THSD4: variants seen among roughly 807,000 people sequenced by gnomAD.
THSD4 encodes thrombospondin type-1 domain-containing protein 4.
THSD4 carries 69 observed loss-of-function variants against 119.0 expected under a neutral mutation model. That is an observed-to-expected ratio of 0.58 (90% CI 0.48 to 0.71). The LOEUF is 0.71. THSD4 is among the 30% of genes least tolerant of loss of function. The pLI is 0.00. For synonymous variants in THSD4, 524 were observed against 540.4 expected (o/e 0.97, Z 0.42); for missense variants, 1,393 against 1,391.1 (o/e 1.00, Z -0.02).
At chr15:71,342,157 A>C (rs1204001147) in intron 6 of THSD4, among the ~76,000 whole-genome samples, 2 of 152,172 alleles carry the variant, frequency 1.3e-5, no homozygotes, top group African/African-American at 4.8e-5. Context: ...GGTGGGGGAC[A>C]GTAGGTGTTA....
At chr15:71,384,724 C>T (rs909687731) in intron 6 of THSD4, among the ~76,000 whole-genome samples, 4 of 152,198 alleles carry the variant, frequency 2.6e-5, no homozygotes, top group African/African-American at 9.7e-5. Flanking sequence ...TCTTAAAGTG[C>T]AGTGCCGTTC....
chr15:71,505,442 G>T (rs1379689720), intron 7 of THSD4, among the ~76,000 whole-genome samples: 1 of 152,186 alleles, frequency 6.6e-6, no homozygotes, highest in African/African-American at 2.4e-5. Flanking sequence ...GAGCTGAAAT[G>T]CAAAATTAGA....
At chr15:71,264,052 C>A (rs182882505) in intron 6 of THSD4, among the ~76,000 whole-genome samples, 2 of 152,350 alleles carry the variant, frequency 1.3e-5, no homozygotes, top group Admixed American at 1.3e-4. Context: ...TCTGACTCCT[C>A]CACCAATCCA....
chr15:71,203,106 G>T (rs1464227626), intron 3 of THSD4, among the ~76,000 whole-genome samples: 1 of 152,092 alleles, frequency 6.6e-6, no homozygotes, highest in Non-Finnish European at 1.5e-5. Flanking sequence ...ATGTTCATAG[G>T]CAGAGTAGAA....
intron 2 of THSD4, among the ~76,000 whole-genome samples, chr15:71,148,274 G>C (rs1208575390): frequency 1.3e-5 from 2 of 152,148 alleles, no homozygotes; most frequent in Non-Finnish European, 1.5e-5. Flanking sequence ...GAGGACACAG[G>C]GTCACTGACA....
At position 71,747,062 on chromosome 15, in the gene THSD4, C is replaced by T. The variant is rs751178352; in HGVS notation, c.2241+20C>T. On this transcript the variant is annotated intron_variant, in intron 13 of 17. Transcript: ENST00000261862. ...ACCTCGGTACGCAGGCAGGGCAGCCCGCTCTGCAGCTCCCTCTCCAGCTCC... is the reference window on the plus strand; with the variant it reads ...ACCTCGGTACGCAGGCAGGGCAGCCTGCTCTGCAGCTCCCTCTCCAGCTCC... The T allele has an allele frequency of 1.1e-5, 18 of 1,578,056 alleles. No homozygotes were observed. Among genetic ancestry groups the T allele is most frequent in the South Asian group, 5.7e-5 (5 of 87,372 alleles).
chr15:71,294,504 G>A (rs569616855), intron 6 of THSD4, among the ~76,000 whole-genome samples: 8 of 152,218 alleles, frequency 5.3e-5, no homozygotes, highest in South Asian at 4.2e-4. Context: ...GGATACCAGC[G>A]TTCACATTTT....
At chr15:71,486,784 C>A (rs1457471430) in intron 7 of THSD4, among the ~76,000 whole-genome samples, 1 of 152,078 alleles carries the variant, frequency 6.6e-6, no homozygotes, top group Admixed American at 6.5e-5. Flanking sequence ...CCACGCTTTG[C>A]AATTTTGGAG....
Position 71,683,003 on chromosome 15 carries a change from C to G in THSD4, c.1357+22269C>G, listed in dbSNP as rs544514667. ...TGGTGCAATCATGGCTCACTGCAGC[C>G]TCAACCCCCCTGGGCTCAAGAGATC... On this transcript the variant is annotated intron_variant, in intron 8 of 17. Coordinates refer to ENST00000261862, the MANE Select transcript of THSD4 (RefSeq NM_024817.3). Among the ~76,000 whole-genome samples the G allele has an allele frequency of 1.1e-4, 17 of 149,598 alleles. No homozygotes were observed. The South Asian group carries it at 3.4e-3, about 30-fold the overall frequency.
intron 7 of THSD4, among the ~76,000 whole-genome samples, chr15:71,570,815 T>C (rs139450179): frequency 1.1e-4 from 17 of 152,318 alleles, no homozygotes; most frequent in South Asian, 2.1e-4. Flanking sequence ...AGAAGGTTGA[T>C]GACTTGTCTG....
chr15:71,121,908 A>G (rs1391634041), intron 1 of THSD4, among the ~76,000 whole-genome samples: 1 of 152,044 alleles, frequency 6.6e-6, no homozygotes, highest in Non-Finnish European at 1.5e-5. Context: ...TACTTACCTA[A>G]TGATTGACAG....
At chr15:71,665,939 T>A (rs916084012) in intron 8 of THSD4, among the ~76,000 whole-genome samples, 2 of 152,354 alleles carry the variant, frequency 1.3e-5, no homozygotes, top group Admixed American at 6.5e-5. Context: ...GGTAACGTGA[T>A]GCTTCCAGCC....
intron 8 of THSD4, among the ~76,000 whole-genome samples, chr15:71,719,830 C>A (rs2052680259): frequency 6.6e-6 from 1 of 151,968 alleles, no homozygotes; most frequent in African/African-American, 2.4e-5. Flanking sequence ...TGTGTACCAC[C>A]ACACTTGGCT....
At chr15:71,344,508 G>C (rs978464781) in intron 6 of THSD4, among the ~76,000 whole-genome samples, 1 of 152,064 alleles carries the variant, frequency 6.6e-6, no homozygotes, top group South Asian at 2.1e-4. Flanking sequence ...CATGTTTCAC[G>C]CCTCAGGGAG....
At chr15:71,732,517 A>C (rs2053000282) in intron 10 of THSD4, 1 of 152,216 alleles carries the variant, frequency 6.6e-6, no homozygotes, top group Non-Finnish European at 1.5e-5. Context: ...GAAGGTCTGC[A>C]GAAGTATTCA....
intron 7 of THSD4, among the ~76,000 whole-genome samples, chr15:71,584,102 T>G (rs1217013395): frequency 6.6e-6 from 1 of 152,100 alleles, no homozygotes; most frequent in Non-Finnish European, 1.5e-5. Flanking sequence ...TTTATAATTA[T>G]TATATTCTCT....
At chr15:71,205,191 G>A (rs995151033) in intron 3 of THSD4, among the ~76,000 whole-genome samples, 15 of 152,224 alleles carry the variant, frequency 9.9e-5, no homozygotes, top group Non-Finnish European at 1.5e-4. Flanking sequence ...TTACCCCGTG[G>A]CTCTCACCTT....
chr15:71,728,564 C>T lies in THSD4; in HGVS notation c.1373C>T (p.Ser458Phe). The change falls in exon 9 of 18, where the codon TCT becomes TTT. Residue 458 changes from serine (S) to phenylalanine (F), a missense_variant. By Grantham distance (155) the Ser-to-Phe change is radical. Coordinates refer to ENST00000261862, the MANE Select transcript of THSD4 (RefSeq NM_024817.3). The stretch of plus-strand genomic sequence containing the variant: ...TTCTCAACAGCCCTGAGAAGTCGTT[C>T]TGGACGCTCCATCATCAATGGGAAC... ...SNNYLALRSR[S>F]GRSIINGNWA... 6.2e-7 allele frequency: 1 copy of T among 1,614,180 alleles called. No individual in the cohort carries two copies. Among genetic ancestry groups the T allele is most frequent in the South Asian group, 1.1e-5 (1 of 91,068 alleles).
chr15:71,225,540 T>TTTTTC (rs2044009053), intron 4 of THSD4, among the ~76,000 whole-genome samples: 1 of 89,246 alleles, frequency 1.1e-5, no homozygotes, highest in African/African-American at 4.9e-5. Flanking sequence ...TTTCTTTTTC[T>TTTTTC]TTTTTTTTTT....
Sources: allele counts gnomAD v4.1 joint callset (sites outside exome capture counted in the v4.1 genomes callset), GRCh38; gene constraint gnomAD v4.1.1; transcripts MANE v1.5; gene names NCBI Gene and HGNC (gene_info 2026-07-23, HGNC 2026-07-21).